Variants in CORO1C observed in about 807,000 individuals in gnomAD.
CORO1C encodes the protein coronin 1C, also known as coronin-1C.
In CORO1C, 14 loss-of-function variants were observed where a neutral mutation model predicts 51.2. The observed-to-expected ratio is 0.27, with a 90% CI of 0.18 to 0.43. The LOEUF (loss-of-function observed/expected upper bound fraction) is 0.43, where lower values mean the gene tolerates loss of function less well. Among genes scored for constraint, CORO1C ranks in the 20% least tolerant of loss-of-function variants. The pLI, the probability that CORO1C is intolerant of heterozygous loss-of-function variation, is 1.00. For missense variants in CORO1C, 417 were observed against 607.8 expected (o/e 0.69, Z 3.30); for synonymous variants, 181 against 210.5 (o/e 0.86, Z 1.21).
At chr12:108,699,389 T>C (rs971636394) in intron 2 of CORO1C, among the ~76,000 whole-genome samples, 3 of 152,196 alleles carry the variant, frequency 2.0e-5, no homozygotes, top group Non-Finnish European at 2.9e-5. Context: ...GATTAGCCAT[T>C]CATTATGTCT....
intron 2 of CORO1C, among the ~76,000 whole-genome samples, chr12:108,691,888 C>T (rs1210917884): frequency 1.3e-5 from 2 of 152,148 alleles, no homozygotes; most frequent in African/African-American, 4.8e-5. Context: ...TTCAGTGAGT[C>T]ACAGCCACTC....
chr12:108,711,066 T>G lies in CORO1C; in HGVS notation c.-5-9743A>C, dbSNP rs188366137. On this transcript the variant is annotated intron_variant, in intron 1 of 10. Coordinates refer to ENST00000261401, the MANE Select transcript of CORO1C (RefSeq NM_014325.4). ...TATAATACTACCATGTGAAGTTAAA[T>G]GTACAAAATTTACATGCCAGGCACA... Among the ~76,000 whole-genome samples, 81 of 152,160 alleles carry G rather than the reference T, an allele frequency of 5.3e-4. 1 individual carries two copies. The East Asian group carries it at 0.013, about 24-fold the overall frequency.
intron 2 of CORO1C, among the ~76,000 whole-genome samples, chr12:108,690,683 T>A (rs996198938): frequency 2.0e-5 from 3 of 152,188 alleles, no homozygotes; most frequent in Admixed American, 2.0e-4. Context: ...ATTTATAAAG[T>A]GAAAACCTAA....
intron 8 of CORO1C, chr12:108,649,221 C>CTAG (rs1565898232): frequency 3.2e-6 from 2 of 620,722 alleles, no homozygotes; most frequent in Non-Finnish European, 5.6e-6. Context: ...AGTCACTATG[C>CTAG]TAGGAACTGG....
intron 8 of CORO1C, among the ~76,000 whole-genome samples, chr12:108,651,008 G>T (rs1004556385): frequency 1.3e-5 from 2 of 152,146 alleles, no homozygotes; most frequent in Admixed American, 1.3e-4. Context: ...GCCCAGGCTG[G>T]AGTGCAGTGG....
At chr12:108,722,635 T>C (rs1432692443) in intron 1 of CORO1C, among the ~76,000 whole-genome samples, 1 of 152,170 alleles carries the variant, frequency 6.6e-6, no homozygotes, top group East Asian at 1.9e-4. Context: ...ACACAATAGA[T>C]AGAAATTACT....
intron 2 of CORO1C, among the ~76,000 whole-genome samples, chr12:108,692,534 C>T (rs1457369681): frequency 6.6e-6 from 1 of 152,246 alleles, no homozygotes; most frequent in Admixed American, 6.5e-5. Flanking sequence ...CTGCCATTCC[C>T]TCTCAAGTAG....
chr12:108,665,428 T>C (rs568531211), intron 3 of CORO1C, among the ~76,000 whole-genome samples: 2 of 152,168 alleles, frequency 1.3e-5, no homozygotes, highest in Admixed American at 6.6e-5. Flanking sequence ...TTACAATAAA[T>C]TGTATTGTAA....
intron 1 of CORO1C, among the ~76,000 whole-genome samples, chr12:108,720,599 C>T (rs2035452449): frequency 6.6e-6 from 1 of 152,020 alleles, no homozygotes; most frequent in South Asian, 2.1e-4. Flanking sequence ...TCTCAGTTCA[C>T]TGCAAGCTCT....
intron 1 of CORO1C, chr12:108,702,888 C>T (rs1039178765): frequency 2.0e-5 from 30 of 1,535,818 alleles, no homozygotes; most frequent in Non-Finnish European, 2.5e-5. Context: ...AATTGAGCAT[C>T]CACGTTCCTT....
intron 2 of CORO1C, among the ~76,000 whole-genome samples, chr12:108,680,386 G>C (rs1302161545): frequency 6.6e-6 from 1 of 152,050 alleles, no homozygotes; most frequent in Non-Finnish European, 1.5e-5. Context: ...CTTCCAAAAC[G>C]CATCACCAAA....
intron 2 of CORO1C, among the ~76,000 whole-genome samples, chr12:108,693,831 T>C (rs1446984067): frequency 1.3e-5 from 2 of 152,072 alleles, no homozygotes; most frequent in East Asian, 3.9e-4. Flanking sequence ...CATCTTTAGC[T>C]CCTACGCAGA....
chr12:108,661,511 T>C (rs930204108), intron 4 of CORO1C, among the ~76,000 whole-genome samples: 21 of 152,230 alleles, frequency 1.4e-4, no homozygotes, highest in African/African-American at 5.1e-4. Flanking sequence ...ATCTTCTCTC[T>C]GAGTGGTGGG....
intron 3 of CORO1C, among the ~76,000 whole-genome samples, chr12:108,672,285 G>A (rs1015490418): frequency 6.6e-6 from 1 of 152,216 alleles, no homozygotes; most frequent in Admixed American, 6.5e-5. Flanking sequence ...AGAGACTGCT[G>A]AATGTAACAG....
At chr12:108,661,873 G>A (rs976479238) in intron 4 of CORO1C, 156 bp downstream of exon 4, 17 of 722,542 alleles carry the variant, frequency 2.4e-5, no homozygotes, top group Non-Finnish European at 3.9e-5. Context: ...ATGTATGTGG[G>A]CTGGGGGAGC....
At position 108,657,292 on chromosome 12, in the gene CORO1C, G is replaced by T. The variant is rs1320939258; in HGVS notation, c.750+12C>A. 6.2e-7 allele frequency: 1 copy of T among 1,612,630 alleles called. No homozygotes were observed. The highest frequency in any genetic ancestry group is 2.2e-5 in the East Asian group (1 of 44,802). On this transcript the variant is annotated intron_variant, in intron 6 of 10. Coordinates refer to ENST00000261401, the MANE Select transcript of CORO1C (RefSeq NM_014325.4). ...CAAGTGAAAGCAAGTGGAAAGCCTG[G>T]GGAGGGCGTACCGGATTCCAGAGAG...
intron 1 of CORO1C, among the ~76,000 whole-genome samples, chr12:108,716,054 C>A (rs1265550248): frequency 2.1e-5 from 3 of 146,030 alleles, no homozygotes; most frequent in Non-Finnish European, 3.0e-5. Context: ...TCGCTTGAAC[C>A]CGGAAGTCGG....
At chr12:108,668,764 T>C (rs2033597966) in intron 3 of CORO1C, among the ~76,000 whole-genome samples, 1 of 152,236 alleles carries the variant, frequency 6.6e-6, no homozygotes, top group African/African-American at 2.4e-5. Flanking sequence ...TTTTTTGCAT[T>C]TGTGTTTGAT....
At chr12:108,648,001 C>A (rs536212579) in intron 10 of CORO1C, among the ~76,000 whole-genome samples, 1 of 152,196 alleles carries the variant, frequency 6.6e-6, no homozygotes, top group East Asian at 1.9e-4. Flanking sequence ...TCCACTCCTT[C>A]TCTCTTACCC....
Sources: allele counts gnomAD v4.1 joint callset (sites outside exome capture counted in the v4.1 genomes callset), GRCh38; gene constraint gnomAD v4.1.1; transcripts MANE v1.5; gene names NCBI Gene and HGNC (gene_info 2026-07-23, HGNC 2026-07-21).